Variants in SHISAL1 observed in about 807,000 individuals in gnomAD.
The protein encoded by SHISAL1 is shisa like 1.
SHISAL1 carries 9 observed loss-of-function variants against 22.6 expected under a neutral mutation model. The ratio of observed to expected loss-of-function variants is 0.40; its 90% confidence interval spans 0.24 to 0.70. The LOEUF (loss-of-function observed/expected upper bound fraction) is 0.70. SHISAL1 is among the 30% of genes least tolerant of loss of function. SHISAL1 has a pLI of 0.39. For missense variants in SHISAL1, 246 were observed against 270.6 expected (o/e 0.91, Z 0.64); for synonymous variants, 119 against 115.4 (o/e 1.03, Z -0.20).
At chr22:44,259,936 C>T (rs1207796826) in intron 4 of SHISAL1, among the ~76,000 whole-genome samples, 1 of 152,202 alleles carries the variant, frequency 6.6e-6, no homozygotes, top group African/African-American at 2.4e-5. Context: ...AACTACAGGT[C>T]GATTTGTTTA....
chr22:44,300,776 G>T, intron 2 of SHISAL1, 103 bp downstream of exon 2: 1 of 948,832 alleles, frequency 1.1e-6, no homozygotes, highest in Non-Finnish European at 1.7e-6. Context: ...CAAAAGGCAA[G>T]CCTCTGTGTG....
At chr22:44,255,359 C>A (rs1163291808) in intron 4 of SHISAL1, among the ~76,000 whole-genome samples, 1 of 152,116 alleles carries the variant, frequency 6.6e-6, no homozygotes, top group African/African-American at 2.4e-5. Flanking sequence ...ATACCCCAAA[C>A]CAAAATCCCA....
At chr22:44,271,617 G>A (rs2147280927) in intron 4 of SHISAL1, among the ~76,000 whole-genome samples, 1 of 152,336 alleles carries the variant, frequency 6.6e-6, no homozygotes, top group African/African-American at 2.4e-5. Context: ...GGGAAATAAA[G>A]TAGAATCCAT....
At chr22:44,327,292 AC>A in the SHISAL1 span, among the ~76,000 whole-genome samples, 1 of 151,298 alleles carries the variant, frequency 6.6e-6, no homozygotes, top group Non-Finnish European at 1.5e-5. Flanking sequence ...GTGCGCGTAC[AC>A]CAGAGACCCT....
At chr22:44,313,395 A>G (rs2055534454), upstream of SHISAL1, among the ~76,000 whole-genome samples, 1 of 152,146 alleles carries the variant, frequency 6.6e-6, no homozygotes, top group Non-Finnish European at 1.5e-5. Context: ...CCGGGGAGGA[A>G]GGGTAGCTGG....
At chr22:44,271,513 G>C (rs959481639) in intron 4 of SHISAL1, among the ~76,000 whole-genome samples, 9 of 152,216 alleles carry the variant, frequency 5.9e-5, no homozygotes, top group African/African-American at 1.9e-4. Context: ...ATTCTGATGG[G>C]AGCCAAAATG....
chr22:44,321,608 G>A, the SHISAL1 span, among the ~76,000 whole-genome samples: 2 of 152,290 alleles, frequency 1.3e-5, no homozygotes, highest in East Asian at 1.9e-4. Context: ...CTGTGAGGAC[G>A]GGCCCTGGGT....
At chr22:44,317,297 G>GT (rs1253606998), upstream of SHISAL1, among the ~76,000 whole-genome samples, 28 of 152,332 alleles carry the variant, frequency 1.8e-4, no homozygotes, top group Non-Finnish European at 2.8e-4. Context: ...GCAGGGCCCG[G>GT]CCAGCCACAC....
intron 4 of SHISAL1, among the ~76,000 whole-genome samples, chr22:44,250,972 G>C (rs935470038): frequency 2.0e-5 from 3 of 152,218 alleles, no homozygotes; most frequent in African/African-American, 7.2e-5. Flanking sequence ...TGCATTAGTG[G>C]GAATGTGTAC....
chr22:44,252,821 C>T (rs1344680284), intron 4 of SHISAL1, among the ~76,000 whole-genome samples: 4 of 151,512 alleles, frequency 2.6e-5, no homozygotes, highest in Admixed American at 6.6e-5. Flanking sequence ...GATGAAATCC[C>T]GTCTCTACTA....
At chr22:44,286,468 C>T (rs2055316484) in intron 3 of SHISAL1, among the ~76,000 whole-genome samples, 1 of 152,310 alleles carries the variant, frequency 6.6e-6, no homozygotes, top group African/African-American at 2.4e-5. Context: ...CTGGCTCTCC[C>T]GGTGTCAGCC....
chr22:44,297,028 C>A, intron 2 of SHISAL1, 143 bp from the exon 3 acceptor site: 2 of 646,432 alleles, frequency 3.1e-6, no homozygotes, highest in Non-Finnish European at 2.7e-6. Flanking sequence ...GTGAGCCTCA[C>A]CTCTGGGTTC....
the SHISAL1 span, among the ~76,000 whole-genome samples, chr22:44,331,107 T>A: frequency 1.3e-5 from 2 of 151,694 alleles, no homozygotes; most frequent in African/African-American, 4.8e-5. This position sits in a 1 kb window ranked among gnomAD's most constrained non-coding sequence, Gnocchi z 5.2. Flanking sequence ...CCCGGCGCGG[T>A]GCGCCCCGAA....
intron 4 of SHISAL1, among the ~76,000 whole-genome samples, chr22:44,279,988 T>C (rs1002082748): frequency 6.6e-6 from 1 of 152,124 alleles, no homozygotes; most frequent in African/African-American, 2.4e-5. Flanking sequence ...AAGTTGGGAA[T>C]TTTTCCCTGA....
intron 4 of SHISAL1, among the ~76,000 whole-genome samples, chr22:44,257,370 A>G (rs1055866978): frequency 2.0e-5 from 3 of 152,212 alleles, no homozygotes; most frequent in African/African-American, 4.8e-5. Flanking sequence ...ACAGAGACCA[A>G]TCAGGCTCAG....
chr22:44,308,901 T>C (rs1221778987), intron 1 of SHISAL1, among the ~76,000 whole-genome samples: 1 of 132,466 alleles, frequency 7.5e-6, no homozygotes, highest in Non-Finnish European at 1.7e-5. Context: ...TCCCACCTAC[T>C]CTACTGTCAT....
At chr22:44,306,885 G>A (rs1436228334) in intron 1 of SHISAL1, among the ~76,000 whole-genome samples, 13 of 149,688 alleles carry the variant, frequency 8.7e-5, no homozygotes, top group Admixed American at 8.7e-4. Context: ...CTGGGCTCGG[G>A]GAGGTGTGAT....
chr22:44,291,483 A>C lies in SHISAL1; in HGVS notation c.281+5189T>G, dbSNP rs188301949. Reference sequence around the variant, plus strand: ...AAGGTCCTTCATAGATAACAGATGGAGGGTGTCAGCATGAGTCAGGCCCCT... The same window carrying C: ...AAGGTCCTTCATAGATAACAGATGGCGGGTGTCAGCATGAGTCAGGCCCCT... On this transcript the variant is annotated intron_variant, in intron 3 of 4. Coordinates refer to ENST00000381176, the MANE Select transcript of SHISAL1 (RefSeq NM_001099294.2). Among the ~76,000 whole-genome samples, 41 of 152,242 alleles carry C rather than the reference A, an allele frequency of 2.7e-4. No individual in the cohort carries two copies. The East Asian group carries it at 7.1e-3, about 27-fold the overall frequency.
intron 3 of SHISAL1, among the ~76,000 whole-genome samples, chr22:44,295,188 G>T (rs2055377242): frequency 6.6e-6 from 1 of 151,866 alleles, no homozygotes; most frequent in Non-Finnish European, 1.5e-5. Context: ...TGTATAGCCA[G>T]AGCAAGTGAA....
Sources: allele counts gnomAD v4.1 joint callset (sites outside exome capture counted in the v4.1 genomes callset), GRCh38; gene constraint gnomAD v4.1.1; non-coding constraint Gnocchi (gnomAD v3.1); transcripts MANE v1.5; gene names NCBI Gene and HGNC (gene_info 2026-07-23, HGNC 2026-07-21).